DLG2: variants seen among roughly 807,000 people sequenced by gnomAD.
DLG2 encodes the protein disks large homolog 2.
DLG2 carries 45 observed loss-of-function variants against 132.5 expected under a neutral mutation model. That is an observed-to-expected ratio of 0.34 (90% confidence interval 0.27 to 0.44). The LOEUF (loss-of-function observed/expected upper bound fraction) is 0.44, where lower values mean the gene tolerates loss of function less well. DLG2 is among the 20% of genes least tolerant of loss of function. The probability of loss-of-function intolerance (pLI) is 1.00; values close to 1 mark genes in which losing one functional copy is unlikely to be tolerated. For missense variants in DLG2, 1,045 were observed against 1,196.9 expected (o/e 0.87, Z 1.87); for synonymous variants, 424 against 419.6 (o/e 1.01, Z -0.13).
chr11:84,127,059 T>G (rs2094206433), intron 9 of DLG2, among the ~76,000 whole-genome samples: 1 of 152,194 alleles, frequency 6.6e-6, no homozygotes, highest in African/African-American at 2.4e-5. Context: ...AGCTAGCCAT[T>G]ATAGTTTTAG....
chr11:84,020,772 T>C (rs188303612), intron 11 of DLG2, among the ~76,000 whole-genome samples: 7 of 152,314 alleles, frequency 4.6e-5, no homozygotes, highest in Admixed American at 1.3e-4. Flanking sequence ...CATTCAGCTC[T>C]CTCAGGACGG....
chr11:84,392,577 A>T (rs941208425), intron 7 of DLG2, among the ~76,000 whole-genome samples: 5 of 152,210 alleles, frequency 3.3e-5, no homozygotes, highest in African/African-American at 1.2e-4. Flanking sequence ...TGTAATAATA[A>T]AGTATTTGCA....
intron 9 of DLG2, among the ~76,000 whole-genome samples, chr11:84,138,189 T>G (rs770674118): frequency 2.0e-4 from 30 of 152,130 alleles, no homozygotes; most frequent in Non-Finnish European, 4.0e-4. Flanking sequence ...GTATGCAAAA[T>G]AGATATGACA....
rs12797973 is a variant in DLG2, at chr11:83,874,571, T to G, written c.1497-83A>C. 4.3e-4 allele frequency: 472 copies of G among 1,091,432 alleles called. 5 individuals are homozygous for G. The African/African-American group carries it at 6.9e-3, about 16-fold the overall frequency. 67.6% of individuals were successfully genotyped at this position (1,091,432 alleles called of 1,614,324 possible). ...TTTTATTATACTTTAAGTTTTAGGG[T>G]ACATGTGCACAACGTGCAGGTTAGT... On this transcript the variant is annotated intron_variant, in intron 15 of 27. Transcript: ENST00000376104.
intron 6 of DLG2, chr11:84,762,262 A>C (rs950180126): frequency 3.3e-5 from 5 of 152,226 alleles, no homozygotes; most frequent in Non-Finnish European, 7.3e-5. Flanking sequence ...TATTAAGAAT[A>C]CACAATTTTT....
intron 3 of DLG2, among the ~76,000 whole-genome samples, chr11:85,399,509 C>G (rs936315957): frequency 3.3e-5 from 5 of 152,198 alleles, no homozygotes; most frequent in Non-Finnish European, 7.3e-5. Context: ...CTGGAGGCAT[C>G]ACGCTACCTG....
At chr11:85,409,305 G>C (rs140207297) in intron 3 of DLG2, among the ~76,000 whole-genome samples, 23 of 151,966 alleles carry the variant, frequency 1.5e-4, no homozygotes, top group African/African-American at 4.8e-4. Context: ...GTTCACACAA[G>C]GTTAAGAACA....
intron 9 of DLG2, among the ~76,000 whole-genome samples, chr11:84,162,878 C>T (rs1454310641): frequency 6.6e-6 from 1 of 152,020 alleles, no homozygotes; most frequent in Non-Finnish European, 1.5e-5. Context: ...CTTTTTTCTA[C>T]ACGGTCTTTG....
chr11:84,272,780 A>G (rs2097742721), intron 7 of DLG2, among the ~76,000 whole-genome samples: 1 of 152,174 alleles, frequency 6.6e-6, no homozygotes, highest in South Asian at 2.1e-4. Context: ...CTAACTGCAA[A>G]AGATATTCAA....
chr11:85,473,026 G>A (rs1371465939), intron 3 of DLG2, among the ~76,000 whole-genome samples: 1 of 152,210 alleles, frequency 6.6e-6, no homozygotes, highest in African/African-American at 2.4e-5. Flanking sequence ...CCAAGTTTTG[G>A]GGGCACCACT....
chr11:83,980,435 C>T (rs2092683947), intron 12 of DLG2, 71 bp downstream of exon 12: 5 of 1,491,092 alleles, frequency 3.4e-6, no homozygotes, highest in Middle Eastern at 1.8e-4. Flanking sequence ...CCTGAACTGA[C>T]AAAGACAGTC....
intron 4 of DLG2, among the ~76,000 whole-genome samples, chr11:85,278,576 G>A (rs1034259053): frequency 2.0e-5 from 3 of 151,972 alleles, no homozygotes; most frequent in South Asian, 2.1e-4. Flanking sequence ...CTCCAGCCTG[G>A]GCAACAAAAG....
chr11:85,621,910 G>C (rs1196025423), intron 2 of DLG2, among the ~76,000 whole-genome samples: 1 of 152,156 alleles, frequency 6.6e-6, no homozygotes, highest in Non-Finnish European at 1.5e-5. Flanking sequence ...TTGTACTGTG[G>C]GTAAAATGCT....
chr11:85,022,365 A>C (rs2060154466), intron 6 of DLG2, among the ~76,000 whole-genome samples: 1 of 152,124 alleles, frequency 6.6e-6, no homozygotes, highest in Admixed American at 6.5e-5. Context: ...CACAGATCTA[A>C]TGAAGACAAA....
chr11:84,735,428 G>A (rs558406344), intron 6 of DLG2, among the ~76,000 whole-genome samples: 1 of 152,200 alleles, frequency 6.6e-6, no homozygotes, highest in African/African-American at 2.4e-5. Flanking sequence ...TTTACGTAGA[G>A]GTGTTTATAG....
chr11:84,067,556 CCACA>C (rs35165434), intron 10 of DLG2, among the ~76,000 whole-genome samples: 162 of 148,110 alleles, frequency 1.1e-3, no homozygotes, highest in Non-Finnish European at 1.4e-3. Context: ...ACACCCCCCA[CCACA>C]CACACACACA....
At chr11:84,034,460 G>T (rs1393892078) in intron 11 of DLG2, among the ~76,000 whole-genome samples, 1 of 151,990 alleles carries the variant, frequency 6.6e-6, no homozygotes, top group Non-Finnish European at 1.5e-5. Context: ...ATATCTCTGA[G>T]GTATGCATAT....
At chr11:85,453,901 T>C (rs142647134) in intron 3 of DLG2, among the ~76,000 whole-genome samples, 195 of 152,210 alleles carry the variant, frequency 1.3e-3, no homozygotes, top group Admixed American at 5.0e-3. Context: ...TAGTACCCAA[T>C]AGGTATTTTT....
intron 15 of DLG2, among the ~76,000 whole-genome samples, chr11:83,899,596 A>G (rs1406834472): frequency 6.6e-6 from 1 of 152,118 alleles, no homozygotes; most frequent in Admixed American, 6.6e-5. Flanking sequence ...TGGTATCAAA[A>G]ATGGGAGTTT....
Sources: gnomAD v4.1 joint callset for allele counts (sites outside exome capture counted in the v4.1 genomes callset) on GRCh38, gnomAD v4.1.1 for gene constraint, MANE v1.5 for transcripts, NCBI Gene and HGNC (gene_info 2026-07-23, HGNC 2026-07-21) for gene names.